The following CHCHD6 variants were observed in gnomAD, a reference collection of about 807,000 sequenced individuals.
CHCHD6 encodes MICOS complex subunit MIC25.
In CHCHD6, 28 loss-of-function variants were observed where a neutral mutation model predicts 32.3. That is an observed-to-expected ratio of 0.87 (90% confidence interval 0.64 to 1.19). The LOEUF is 1.19. Ranked by LOEUF, CHCHD6 falls within the 50% of genes most tolerant of loss-of-function variation. The pLI is 0.00. For missense variants in CHCHD6, 333 were observed against 307.0 expected (o/e 1.08, Z -0.63); for synonymous variants, 122 against 117.5 (o/e 1.04, Z -0.25).
intron 1 of CHCHD6, among the ~76,000 whole-genome samples, chr3:126,715,158 T>C (rs1251252885): frequency 6.6e-6 from 1 of 152,178 alleles, no homozygotes; most frequent in Non-Finnish European, 1.5e-5. Flanking sequence ...TTTCCCAGTC[T>C]TCCCTTCTAT....
At chr3:126,895,398 C>T (rs2107580183) in intron 5 of CHCHD6, among the ~76,000 whole-genome samples, 1 of 152,276 alleles carries the variant, frequency 6.6e-6, no homozygotes, top group East Asian at 1.9e-4. Flanking sequence ...TCATCAGCAG[C>T]AGCGTCTGTG....
At chr3:126,789,861 G>A (rs1938432837) in intron 4 of CHCHD6, among the ~76,000 whole-genome samples, 1 of 151,358 alleles carries the variant, frequency 6.6e-6, no homozygotes, top group South Asian at 2.1e-4. Context: ...ATTCGATCCT[G>A]TCATTATGAT....
At chr3:126,847,771 A>T (rs1056272118) in intron 4 of CHCHD6, among the ~76,000 whole-genome samples, 3 of 151,012 alleles carry the variant, frequency 2.0e-5, no homozygotes, top group African/African-American at 7.3e-5. Context: ...CACTTTCCCT[A>T]AGTCACCCCT....
intron 4 of CHCHD6, among the ~76,000 whole-genome samples, chr3:126,842,408 T>G (rs769785059): frequency 1.3e-5 from 2 of 152,180 alleles, no homozygotes; most frequent in Non-Finnish European, 2.9e-5. Context: ...TAATACATGT[T>G]CTTAGATTAG....
intron 5 of CHCHD6, among the ~76,000 whole-genome samples, chr3:126,859,135 G>T (rs1941767018): frequency 6.6e-6 from 1 of 152,204 alleles, no homozygotes. Context: ...ATGTTTGCAG[G>T]AATAAAGAAG....
intron 4 of CHCHD6, 23 bp from the exon 5 acceptor site, chr3:126,852,621 CGTG>C: frequency 1.9e-6 from 3 of 1,591,300 alleles, no homozygotes; most frequent in Non-Finnish European, 8.6e-7. Flanking sequence ...TGCTGGCTAA[CGTG>C]GGCTTTGTTC....
intron 5 of CHCHD6, among the ~76,000 whole-genome samples, chr3:126,906,530 G>T (rs79887622): frequency 2.0e-5 from 3 of 152,176 alleles, no homozygotes; most frequent in Non-Finnish European, 4.4e-5. Context: ...GCTTTACGCC[G>T]GGTGTAGTCT....
chr3:126,715,420 A>G (rs1225978729), intron 1 of CHCHD6, among the ~76,000 whole-genome samples: 1 of 152,160 alleles, frequency 6.6e-6, no homozygotes, highest in Non-Finnish European at 1.5e-5. Flanking sequence ...AGCCTTAAAT[A>G]GGCACCCTTA....
intron 4 of CHCHD6, among the ~76,000 whole-genome samples, chr3:126,842,038 C>T (rs1170762564): frequency 2.0e-5 from 3 of 152,260 alleles, no homozygotes; most frequent in African/African-American, 4.8e-5. Flanking sequence ...GGCTTGAGCC[C>T]AGGAGTTCAA....
chr3:126,808,110 G>A (rs1229838336), intron 4 of CHCHD6, among the ~76,000 whole-genome samples: 4 of 152,176 alleles, frequency 2.6e-5, no homozygotes, highest in Non-Finnish European at 4.4e-5. Context: ...TTAGGGCTAC[G>A]ATCATCCGAA....
intron 4 of CHCHD6, among the ~76,000 whole-genome samples, chr3:126,802,371 G>T (rs1256530297): frequency 6.6e-6 from 1 of 152,200 alleles, no homozygotes; most frequent in Non-Finnish European, 1.5e-5. Flanking sequence ...GTGCTTAAAG[G>T]AGCTGATGGA....
intron 5 of CHCHD6, among the ~76,000 whole-genome samples, chr3:126,859,541 GAA>G (rs1941782988): frequency 6.6e-6 from 1 of 152,336 alleles, no homozygotes; most frequent in East Asian, 1.9e-4. Context: ...GTGTCCTACA[GAA>G]TGACAGTCAC....
intron 5 of CHCHD6, among the ~76,000 whole-genome samples, chr3:126,867,336 C>G (rs577074665): frequency 6.6e-6 from 1 of 152,284 alleles, no homozygotes; most frequent in Admixed American, 6.5e-5. Flanking sequence ...GATTCCTACA[C>G]CATAGCTGGC....
At chr3:126,807,317 T>C (rs1939443012) in intron 4 of CHCHD6, among the ~76,000 whole-genome samples, 1 of 152,004 alleles carries the variant, frequency 6.6e-6, no homozygotes, top group Non-Finnish European at 1.5e-5. Context: ...TTTTTTTTCT[T>C]AAGTTAAATC....
At chr3:126,720,750 A>G (rs1239847138) in intron 1 of CHCHD6, among the ~76,000 whole-genome samples, 1 of 152,066 alleles carries the variant, frequency 6.6e-6, no homozygotes, top group Non-Finnish European at 1.5e-5. Flanking sequence ...ATGGAGAAAG[A>G]TGTTCCACGT....
intron 5 of CHCHD6, among the ~76,000 whole-genome samples, chr3:126,865,140 ACCACCTCCTTTT>A (rs59821669): frequency 0.13 from 5,455 of 43,420 alleles, 2 homozygotes; most frequent in East Asian, 0.23. Context: ...CTCCTCCACC[ACCACCTCCTTTT>A]CCACCACCTC....
At chr3:126,817,938 C>A (rs1939979351) in intron 4 of CHCHD6, among the ~76,000 whole-genome samples, 1 of 152,160 alleles carries the variant, frequency 6.6e-6, no homozygotes, top group African/African-American at 2.4e-5. Context: ...TGAGGACAGT[C>A]TGAAAAGCCT....
At chr3:126,819,883 G>A (rs1940077301) in intron 4 of CHCHD6, among the ~76,000 whole-genome samples, 1 of 152,220 alleles carries the variant, frequency 6.6e-6, no homozygotes, top group South Asian at 2.1e-4. Flanking sequence ...CTGCTAATAA[G>A]GAAATTTTCG....
chr3:126,831,161 C>G (rs965305535), intron 4 of CHCHD6, among the ~76,000 whole-genome samples: 1 of 152,072 alleles, frequency 6.6e-6, no homozygotes, highest in Non-Finnish European at 1.5e-5. Context: ...GTAGCTGGGA[C>G]TACAGGTGCC....
Sources: gnomAD v4.1 joint callset for allele counts (sites outside exome capture counted in the v4.1 genomes callset) on GRCh38, gnomAD v4.1.1 for gene constraint, MANE v1.5 for transcripts, NCBI Gene and HGNC (gene_info 2026-07-23, HGNC 2026-07-21) for gene names.